The following RP1 variants were observed in gnomAD, a reference collection of about 807,000 sequenced individuals.
RP1 encodes RP1 axonemal microtubule associated.
RP1 carries 16 observed loss-of-function variants against 14.8 expected under a neutral mutation model. The ratio of observed to expected loss-of-function variants is 1.08; its 90% CI spans 0.73 to 1.65. The LOEUF is 1.65. RP1 is among the 40% of genes most tolerant of loss of function. The pLI, the probability that RP1 is intolerant of heterozygous loss-of-function variation, is 0.00. For missense variants in RP1, 2,631 were observed against 2,535.0 expected (o/e 1.04, Z -0.81); for synonymous variants, 876 against 883.6 (o/e 0.99, Z 0.15).
At chr8:54,618,707 G>GCATGTCA (rs1805784004) in intron 1 of RP1, among the ~76,000 whole-genome samples, 2 of 152,008 alleles carry the variant, frequency 1.3e-5, no homozygotes, top group Admixed American at 6.6e-5. Flanking sequence ...CCAGGCTGGG[G>GCATGTCA]TGCAGTGGTG....
At chr8:54,783,274 T>C (rs146854949) in intron 23 of RP1, among the ~76,000 whole-genome samples, 2 of 152,286 alleles carry the variant, frequency 1.3e-5, no homozygotes, top group African/African-American at 4.8e-5. Context: ...AAACACTTAG[T>C]GCTAAATGCC....
intron 24 of RP1, among the ~76,000 whole-genome samples, chr8:54,785,402 AT>A (rs1473331405): frequency 6.7e-6 from 1 of 149,468 alleles, no homozygotes; most frequent in Non-Finnish European, 1.5e-5. Flanking sequence ...ACCACATTTT[AT>A]TTATCCATTT....
chr8:54,606,168 C>A (rs575735982), intron 1 of RP1, among the ~76,000 whole-genome samples: 57 of 152,288 alleles, frequency 3.7e-4, no homozygotes, highest in African/African-American at 1.3e-3. Flanking sequence ...CATGTTTTTG[C>A]AGTGGCTGGT....
At chr8:54,734,239 C>A (rs533947026) in intron 17 of RP1, among the ~76,000 whole-genome samples, 9 of 152,182 alleles carry the variant, frequency 5.9e-5, no homozygotes, top group Non-Finnish European at 8.8e-5. Flanking sequence ...AATCTGTGGC[C>A]ATGGGACAGA....
Position 54,699,402 on chromosome 8 carries a change from T to C in RP1, c.1718-65T>C, listed in dbSNP as rs866858498. The stretch of plus-strand genomic sequence containing the variant: ...AATATATTATTAAGAGATTTCAGTA[T>C]ATATTGAATGAAAAAAGTTTTAAAA... On this transcript the variant is annotated intron_variant, in intron 12 of 22. Transcript: ENST00000636932. 3 of 598,342 alleles carry C rather than the reference T, an allele frequency of 5.0e-6. No homozygotes were observed. In the South Asian group the frequency reaches 1.4e-4, roughly 27 times the overall value. The allele number at this position is 598,342 out of a possible 1,614,324, so 37.1% of individuals were successfully genotyped here.
At chr8:54,687,189 C>T (rs1807585231) in intron 12 of RP1, among the ~76,000 whole-genome samples, 3 of 152,044 alleles carry the variant, frequency 2.0e-5, no homozygotes, top group Admixed American at 6.6e-5. Flanking sequence ...AAACAGGAAG[C>T]CTGCAACAGA....
At chr8:54,684,140 C>T (rs528220905) in intron 12 of RP1, among the ~76,000 whole-genome samples, 180 of 151,966 alleles carry the variant, frequency 1.2e-3, no homozygotes, top group Non-Finnish European at 1.8e-3. Flanking sequence ...GTTGAATCAA[C>T]CTTGCATCCC....
At chr8:54,574,101 C>A (rs1238244228) in intron 1 of RP1, among the ~76,000 whole-genome samples, 1 of 152,056 alleles carries the variant, frequency 6.6e-6, no homozygotes, top group African/African-American at 2.4e-5. Context: ...AGGCCTATAC[C>A]ATGGAGTTAG....
chr8:54,698,041 G>A (rs1176677440), intron 12 of RP1, among the ~76,000 whole-genome samples: 1 of 152,116 alleles, frequency 6.6e-6, no homozygotes, highest in Non-Finnish European at 1.5e-5. Flanking sequence ...ACTGACAAAT[G>A]GGATCTAATT....
intron 3 of RP1, among the ~76,000 whole-genome samples, chr8:54,623,354 T>A (rs2129315229): frequency 6.6e-6 from 1 of 152,310 alleles, no homozygotes. Context: ...TGATTTACAA[T>A]TTAAGTAAAA....
chr8:54,670,310 C>A (rs1002620427), intron 7 of RP1, among the ~76,000 whole-genome samples: 1 of 151,306 alleles, frequency 6.6e-6, no homozygotes, highest in Non-Finnish European at 1.5e-5. Context: ...CTTTATTGAT[C>A]TTTTGTTTCA....
intron 1 of RP1, among the ~76,000 whole-genome samples, chr8:54,603,041 A>G (rs1268408567): frequency 6.6e-6 from 1 of 152,266 alleles, no homozygotes; most frequent in East Asian, 1.9e-4. Context: ...CTTTAGTTTA[A>G]TTAGATCCCA....
chr8:54,701,038 G>A (rs982539405), intron 13 of RP1, among the ~76,000 whole-genome samples: 5 of 152,106 alleles, frequency 3.3e-5, no homozygotes, highest in Non-Finnish European at 7.4e-5. Flanking sequence ...GACCTAAAAC[G>A]CTGTCCTGAA....
intron 8 of RP1, among the ~76,000 whole-genome samples, chr8:54,674,141 T>G (rs1807242027): frequency 6.6e-6 from 1 of 152,174 alleles, no homozygotes; most frequent in Non-Finnish European, 1.5e-5. Context: ...AAGGGGATAA[T>G]CTAGGATGGG....
At chr8:54,720,256 T>C (rs926578844) in exon 16 of RP1, 5 of 1,535,942 alleles carry the variant, frequency 3.3e-6, no homozygotes, top group Middle Eastern at 3.3e-4. Flanking sequence ...GCAAAACCAA[T>C]GATTTATACC....
chr8:54,590,139 C>A (rs947332097), intron 1 of RP1, among the ~76,000 whole-genome samples: 5 of 152,302 alleles, frequency 3.3e-5, no homozygotes, highest in Non-Finnish European at 7.3e-5. Flanking sequence ...TCAGCATTAT[C>A]CCTTCCCTGT....
chr8:54,837,504 A>C (rs1811688382), exon 25 of RP1: 6 of 1,231,728 alleles, frequency 4.9e-6, no homozygotes, highest in Non-Finnish European at 6.1e-6. Flanking sequence ...ACATGACAAC[A>C]CTGGAAAGAA....
At chr8:54,741,673 C>T (rs1809088606) in intron 19 of RP1, among the ~76,000 whole-genome samples, 1 of 113,342 alleles carries the variant, frequency 8.8e-6, no homozygotes, top group African/African-American at 3.4e-5. Flanking sequence ...TAAATAAATA[C>T]CTTAAATATG....
Position 54,843,691 on chromosome 8 carries a change from A to T in RP1, c.3835+6022A>T, listed in dbSNP as rs138124284. ...AAGGGAAGCTTCAGCCTAGGGGTTTATCTTCGGGAAGTTTGGTCGCTCTGA... is the reference window on the plus strand; with the variant it reads ...AAGGGAAGCTTCAGCCTAGGGGTTTTTCTTCGGGAAGTTTGGTCGCTCTGA... On this transcript the variant is annotated intron_variant, in intron 25 of 28. Coordinates refer to the RP1 transcript ENST00000637698. Among the ~76,000 whole-genome samples the T allele has an allele frequency of 1.5e-3, 226 of 152,304 alleles. 1 individual carries two copies. The highest frequency in any genetic ancestry group is 0.013 in the East Asian group (69 of 5,180).
Sources: gnomAD v4.1 joint callset for allele counts (sites outside exome capture counted in the v4.1 genomes callset) on GRCh38, gnomAD v4.1.1 for gene constraint, MANE v1.5 for transcripts, NCBI Gene and HGNC (gene_info 2026-07-23, HGNC 2026-07-21) for gene names.